SLC5A10: variants seen among roughly 807,000 people sequenced by gnomAD.
SLC5A10 encodes the protein sodium/mannose cotransporter SLC5A10.
In SLC5A10, 55 loss-of-function variants were observed where a neutral mutation model predicts 68.9. That is an observed-to-expected ratio of 0.80 (90% CI 0.64 to 1.00). The LOEUF is 1.00. Ranked by LOEUF, SLC5A10 falls within the 50% of genes least tolerant of loss-of-function variation. The probability of loss-of-function intolerance (pLI) is 0.00; values close to 1 mark genes in which losing one functional copy is unlikely to be tolerated. For missense variants in SLC5A10, 732 were observed against 819.3 expected (o/e 0.89, Z 1.30); for synonymous variants, 344 against 344.8 (o/e 1.00, Z 0.02).
In SLC5A10 at chr17:19,017,488, C is replaced by T. The variant is rs923932718; in HGVS notation, c.1242-1935C>T. The T allele has an allele frequency of 5.0e-5, 60 of 1,206,364 alleles. No homozygotes were observed. In the South Asian group the frequency reaches 5.8e-4, roughly 12 times the overall value. 74.7% of individuals were successfully genotyped at this position (1,206,364 alleles called of 1,614,324 possible). ...CCCAGAGGCCTGGAGAGGAGGCCAT[C>T]GCAGGGCCGGGTGCAGTACCATGCC... On this transcript the variant is annotated intron_variant, in intron 11 of 14. Coordinates refer to ENST00000395645, the MANE Select transcript of SLC5A10 (RefSeq NM_001042450.4). This position sits in a 1 kb window ranked among gnomAD's most constrained non-coding sequence, Gnocchi z 5.6.
intron 9 of SLC5A10, among the ~76,000 whole-genome samples, chr17:19,009,177 T>TTTG (rs371560007): frequency 4.6e-5 from 7 of 151,766 alleles, no homozygotes; most frequent in Non-Finnish European, 7.4e-5. Flanking sequence ...CTGAGTTTGT[T>TTTG]TTGTTGTTGT....
chr17:18,967,075 C>T (rs1028353262), intron 5 of SLC5A10, among the ~76,000 whole-genome samples: 15 of 152,268 alleles, frequency 9.9e-5, no homozygotes, highest in African/African-American at 3.4e-4. Context: ...CTGAAGCTGC[C>T]CCGGCCCACA....
At position 18,983,484 on chromosome 17, in the gene SLC5A10, T is replaced by C. The variant is rs187727930; in HGVS notation, c.982+6495T>C. ...GGATGGCCATTCCTAGGTTTATTGA[T>C]AGTTGAGTAGTTAGTGTGAATGAGT... On this transcript the variant is annotated intron_variant, in intron 9 of 14. Transcript: ENST00000395645. Among the ~76,000 whole-genome samples the C allele has an allele frequency of 3.5e-3, 527 of 152,292 alleles. 4 individuals carry two copies. Among genetic ancestry groups the C allele is most frequent in the South Asian group, 0.011 (54 of 4,830 alleles).
rs75617750 is a variant in SLC5A10 at position 18,973,321 on chromosome 17, T to C, written c.846+2103T>C. ...CATGTCCTGGCCTTGGGGTCAGGGT[T>C]GGGCAGGCCCCACTGCACAGATAAG... On this transcript the variant is annotated intron_variant, in intron 8 of 14. Transcript: ENST00000395645. Among the ~76,000 whole-genome samples the C allele has an allele frequency of 6.2e-3, 938 of 152,260 alleles. 14 individuals are homozygous for C. The highest frequency in any genetic ancestry group is 0.022 in the African/African-American group (897 of 41,546).
At chr17:19,019,654 TG>T in intron 12 of SLC5A10, 58 bp from the exon 13 acceptor site, 2 of 1,602,668 alleles carry the variant, frequency 1.2e-6, no homozygotes. Context: ...CTGCTGCCTG[TG>T]GGGGGAGCCT....
At chr17:18,983,329 C>T (rs766439849) in intron 9 of SLC5A10, among the ~76,000 whole-genome samples, 56 of 152,372 alleles carry the variant, frequency 3.7e-4, no homozygotes, top group Middle Eastern at 6.8e-3. Context: ...TGGAACCACA[C>T]GCCCAGGTCC....
chr17:19,017,386 G>C lies in SLC5A10; in HGVS notation c.1242-2037G>C. 2 of 1,551,708 alleles carry C rather than the reference G, an allele frequency of 1.3e-6. No homozygotes were observed. The highest frequency in any genetic ancestry group is 1.7e-6 in the Non-Finnish European group (2 of 1,146,922). ...GGTATCTCCTAGGCCTCGTGGTCAT[G>C]GATCTCTGGTAGGGTGAATGGCCTG... On this transcript the variant is annotated intron_variant, in intron 11 of 14. Transcript: ENST00000395645. This position sits in a 1 kb window ranked among gnomAD's most constrained non-coding sequence, Gnocchi z 5.6.
In SLC5A10 at chr17:19,020,228, T is replaced by C; in HGVS notation, c.1684+16T>C. On this transcript the variant is annotated intron_variant, in intron 14 of 14. Transcript: ENST00000395645. Reference sequence around the variant, plus strand: ...ACTAAAGCAGGTAAGTGGATGACCCTAGGCACTCCTCCACCTTGACCCTGG... The same window carrying C: ...ACTAAAGCAGGTAAGTGGATGACCCCAGGCACTCCTCCACCTTGACCCTGG... The C allele has an allele frequency of 6.2e-7, 1 of 1,612,854 alleles. No homozygotes were observed. The highest frequency in any genetic ancestry group is 1.1e-5 in the South Asian group (1 of 91,040).
At chr17:18,998,704 C>T (rs1057355387) in intron 9 of SLC5A10, among the ~76,000 whole-genome samples, 1 of 152,206 alleles carries the variant, frequency 6.6e-6, no homozygotes, top group Non-Finnish European at 1.5e-5. Context: ...GCCTTTGGAG[C>T]GCACAGGAGT....
chr17:18,978,277 CT>C (rs1399294910), intron 9 of SLC5A10: 2 of 1,609,958 alleles, frequency 1.2e-6, no homozygotes, highest in South Asian at 2.2e-5. Flanking sequence ...CCTGGCTCTG[CT>C]TCCACAGCTG....
chr17:19,017,472 C>A lies in SLC5A10; in HGVS notation c.1242-1951C>A. On this transcript the variant is annotated intron_variant, in intron 11 of 14. Coordinates refer to ENST00000395645, the MANE Select transcript of SLC5A10 (RefSeq NM_001042450.4). This position sits in a 1 kb window ranked among gnomAD's most constrained non-coding sequence, Gnocchi z 5.6. ...GAGAGAAGACCAACAGCCCAGAGGC[C>A]TGGAGAGGAGGCCATCGCAGGGCCG... 1 of 1,379,728 alleles carries A rather than the reference C, an allele frequency of 7.2e-7. No individual in the cohort carries two copies. Among genetic ancestry groups the A allele is most frequent in the East Asian group, 2.5e-5 (1 of 39,958 alleles). The allele number at this position is 1,379,728 out of a possible 1,614,324, so 85.5% of individuals were successfully genotyped here. A position where few individuals can be genotyped will look rare whatever the true frequency, so the allele number is the denominator to read the frequency against.
chr17:18,977,773 C>T (rs1471637254), intron 9 of SLC5A10: 1 of 1,602,734 alleles, frequency 6.2e-7, no homozygotes, highest in African/African-American at 1.3e-5. Context: ...CTGAGTGGCG[C>T]CTCCGGAGAG....
intron 9 of SLC5A10, among the ~76,000 whole-genome samples, chr17:19,007,665 C>T (rs2043923584): frequency 6.6e-6 from 1 of 152,158 alleles, no homozygotes; most frequent in African/African-American, 2.4e-5. Flanking sequence ...AGCTACAGGA[C>T]CTTTGTTGGG....
rs1461337829 is a variant in SLC5A10 at position 19,004,127 on chromosome 17, C to T, written c.983-9283C>T. On this transcript the variant is annotated intron_variant, in intron 9 of 14. Transcript: ENST00000395645. The surrounding 1 kb of genome is among the most constrained non-coding windows in gnomAD (Gnocchi z 5.4). The stretch of plus-strand genomic sequence containing the variant: ...CGGCCCAGCTGGGGCACCGCGCGCT[C>T]GGGGGCCTCTCCGCGGCCTCTGCTT... 7.7e-7 allele frequency: 1 copy of T among 1,293,490 alleles called. No homozygotes were observed. The highest frequency in any genetic ancestry group is 1.0e-6 in the Non-Finnish European group (1 of 952,764). The allele number at this position is 1,293,490 out of a possible 1,614,324, so 80.1% of individuals were successfully genotyped here. A position where few individuals can be genotyped will look rare whatever the true frequency, so the allele number is the denominator to read the frequency against.
In SLC5A10 at chr17:18,965,421, C is replaced by T. The variant is rs577840412; in HGVS notation, c.454-3631C>T. On this transcript the variant is annotated intron_variant, in intron 5 of 14. Transcript: ENST00000395645. The stretch of plus-strand genomic sequence containing the variant: ...CCCACCCAGCTTCTCTGCTGTCCCA[C>T]GAAGGATGGGAGATATAAGTTCCAT... Among the ~76,000 whole-genome samples the T allele has an allele frequency of 4.6e-5, 7 of 152,332 alleles. No individual in the cohort carries two copies. In the East Asian group the frequency reaches 9.6e-4, roughly 21 times the overall value.
intron 9 of SLC5A10, chr17:18,977,217 G>A: frequency 4.8e-6 from 3 of 624,310 alleles, no homozygotes; most frequent in South Asian, 2.1e-5. Context: ...CCTCAAGGCT[G>A]TAAATGAACG....
At position 19,015,091 on chromosome 17, in the gene SLC5A10, TGTC is replaced by T; in HGVS notation, c.1138_1140del (p.Ser380del). The T allele has an allele frequency of 6.8e-6, 11 of 1,613,886 alleles. No individual in the cohort carries two copies. The highest frequency in any genetic ancestry group is 9.3e-6 in the Non-Finnish European group (11 of 1,179,856). On this transcript the variant is annotated inframe_deletion, in exon 11 of 15. Transcript: ENST00000395645. ...ATCGCAGTGATGCTGGCGGCGCTCA[TGTC>T]GTCGCTGACCTCCATCTTCAACAGC...
At chr17:18,955,867 G>A (rs895594624) in intron 1 of SLC5A10, among the ~76,000 whole-genome samples, 1 of 152,192 alleles carries the variant, frequency 6.6e-6, no homozygotes, top group Non-Finnish European at 1.5e-5. Context: ...TTCAAGACCT[G>A]CCTGGGCAAC....
At chr17:19,019,285 G>T in intron 11 of SLC5A10, 138 bp from the exon 12 acceptor site, 1 of 1,066,000 alleles carries the variant, frequency 9.4e-7, no homozygotes. Context: ...CTGGTGGTGT[G>T]GACCAGAGTC....
Sources: gnomAD v4.1 joint callset for allele counts (sites outside exome capture counted in the v4.1 genomes callset) on GRCh38, gnomAD v4.1.1 for gene constraint, Gnocchi (gnomAD v3.1) non-coding constraint, MANE v1.5 for transcripts, NCBI Gene and HGNC (gene_info 2026-07-23, HGNC 2026-07-21) for gene names.